The following ZNF737 variants were observed in gnomAD, a reference collection of about 807,000 sequenced individuals.
The protein encoded by ZNF737 is zinc finger protein 102 (Y3).
ZNF737 carries 13 observed loss-of-function variants against 11.7 expected under a neutral mutation model. The ratio of observed to expected loss-of-function variants is 1.11; its 90% confidence interval spans 0.73 to 1.77. The LOEUF is 1.77. ZNF737 is among the 40% of genes most tolerant of loss of function. The pLI is 0.00. For missense variants in ZNF737, 636 were observed against 638.0 expected, an observed-to-expected ratio of 1.00 and a Z score of 0.03; for synonymous variants, 217 against 216.2, an observed-to-expected ratio of 1.00 and a Z score of -0.03.
downstream of ZNF737, among the ~76,000 whole-genome samples, chr19:20,533,061 C>T (rs556509316): frequency 2.7e-5 from 4 of 150,052 alleles, no homozygotes; most frequent in Admixed American, 2.6e-4. Context: ...AGGTTAGGAC[C>T]TTTGGACTGG....
rs782358835 is a variant in ZNF737, at chr19:20,544,895, G to A, written c.1308C>T (p.Cys436=). 6.2e-7 allele frequency: 1 copy of A among 1,604,440 alleles called. No homozygotes were observed. The highest frequency in any genetic ancestry group is 1.1e-5 in the South Asian group (1 of 90,536). ...TCTTATGTGTAGTAAGGATAGAGAA[G>A]CACTTAAAGGCCTTGCCACATTCTT... ...KCEECGKAFK[C]FSILTTHKRI... Residue 436 remains cysteine, a synonymous_variant, in exon 4 of 4, where the codon TGC becomes TGT. Coordinates refer to ENST00000427401, the MANE Select transcript of ZNF737 (RefSeq NM_001159293.2).
At chr19:20,548,739 G>A (rs10413625) in intron 3 of ZNF737, among the ~76,000 whole-genome samples, 60,843 of 149,848 alleles carry the variant, frequency 0.41, 12,422 homozygotes, top group Admixed American at 0.48. Flanking sequence ...ACTATGGCTG[G>A]CTATTATTAT....
chr19:20,550,212 AAT>A (rs1237870654), intron 3 of ZNF737, among the ~76,000 whole-genome samples: 1 of 152,200 alleles, frequency 6.6e-6, no homozygotes, highest in Non-Finnish European at 1.5e-5. Context: ...TTAAATAAGA[AAT>A]ATATATTTTG....
At position 20,542,654 on chromosome 19, in the gene ZNF737, G is replaced by GA; in HGVS notation, c.*1937dup. 1.0e-6 allele frequency: 1 copy of GA among 981,222 alleles called. No individual in the cohort carries two copies. Among genetic ancestry groups the GA allele is most frequent in the Non-Finnish European group, 1.2e-6 (1 of 826,320 alleles). The allele number at this position is 981,222 out of a possible 1,614,324, so 60.8% of individuals were successfully genotyped here. A position where few individuals can be genotyped will look rare whatever the true frequency, so the allele number is the denominator to read the frequency against. On this transcript the variant is annotated 3_prime_UTR_variant, in exon 4 of 4. Coordinates refer to ENST00000427401, the MANE Select transcript of ZNF737 (RefSeq NM_001159293.2). ...TGTCACTATAATAAAGTATTGCTCT[G>GA]AACATTTACGTTATACATTACTTAA... is the stretch of plus-strand genomic sequence containing the variant.
chr19:20,534,430 ACT>A (rs1290250099), downstream of ZNF737, among the ~76,000 whole-genome samples: 7 of 143,000 alleles, frequency 4.9e-5, 1 homozygote, highest in African/African-American at 1.8e-4. Flanking sequence ...CAAGAGTGAA[ACT>A]CTGTCTCAAA....
chr19:20,563,286 G>A (rs556352886), intron 1 of ZNF737, among the ~76,000 whole-genome samples: 22 of 148,980 alleles, frequency 1.5e-4, no homozygotes. Context: ...GCTGGGACAT[G>A]TGCAGGGGAG....
intron 1 of ZNF737, among the ~76,000 whole-genome samples, chr19:20,563,149 C>T (rs1969162793): frequency 1.1e-5 from 1 of 90,606 alleles, no homozygotes; most frequent in South Asian, 3.2e-4. Flanking sequence ...ACAACTTCAT[C>T]ATCAATAAGA....
chr19:20,530,652 C>G, the ZNF737 span, among the ~76,000 whole-genome samples: 1 of 147,352 alleles, frequency 6.8e-6, no homozygotes, highest in Admixed American at 6.7e-5. Context: ...AGAGGCGCTC[C>G]CCACATCTCA....
intron 3 of ZNF737, among the ~76,000 whole-genome samples, chr19:20,548,374 T>C (rs189605746): frequency 6.6e-6 from 1 of 152,326 alleles, no homozygotes; most frequent in African/African-American, 2.4e-5. Flanking sequence ...TTTGAGAATA[T>C]TATGTCACCT....
rs1048881028 is a variant in ZNF737, at chr19:20,542,793, C to A, written c.*1799G>T. The A allele has an allele frequency of 1.3e-4, 132 of 985,044 alleles. No individual in the cohort carries two copies. The highest frequency in any genetic ancestry group is 1.6e-4 in the Non-Finnish European group (132 of 829,862). 61.0% of individuals were successfully genotyped at this position (985,044 alleles called of 1,614,324 possible). Reference sequence around the variant, plus strand: ...TAATGTCCAAATAATGTAAAAAAATCGAATATCTCTGATGCAGAAGCCACT... The same window carrying A: ...TAATGTCCAAATAATGTAAAAAAATAGAATATCTCTGATGCAGAAGCCACT... On this transcript the variant is annotated 3_prime_UTR_variant, in exon 4 of 4. Coordinates refer to ENST00000427401, the MANE Select transcript of ZNF737 (RefSeq NM_001159293.2).
intron 1 of ZNF737, among the ~76,000 whole-genome samples, chr19:20,556,050 T>A (rs1416300364): frequency 1.1e-4 from 17 of 152,062 alleles, no homozygotes; most frequent in Admixed American, 1.1e-3. Context: ...TCCATAAAGA[T>A]GAAAATATAA....
rs1385558594 is a variant in ZNF737, at chr19:20,546,027, T to C, written c.227-51A>G. 3.3e-6 allele frequency: 5 copies of C among 1,513,072 alleles called. No individual in the cohort carries two copies. In the East Asian group the frequency reaches 9.1e-5, roughly 27 times the overall value. The allele number at this position is 1,513,072 out of a possible 1,614,324, so 93.7% of individuals were successfully genotyped here. ...ACTTCAATTGGTAGACTCAGATAAATATACTTTACAGATCTAACCTATATA... is the reference window on the plus strand; with the variant it reads ...ACTTCAATTGGTAGACTCAGATAAACATACTTTACAGATCTAACCTATATA... On this transcript the variant is annotated intron_variant, in intron 3 of 3. Coordinates refer to ENST00000427401, the MANE Select transcript of ZNF737 (RefSeq NM_001159293.2).
chr19:20,565,718 G>A lies in ZNF737; in HGVS notation c.-78C>T. The A allele has an allele frequency of 6.3e-7, 1 of 1,599,162 alleles. No individual in the cohort carries two copies. Among genetic ancestry groups the A allele is most frequent in the Non-Finnish European group, 8.6e-7 (1 of 1,166,298 alleles). ...TGCAGGACACAGGGCCACAGAGGCT[G>A]GGCCTCTAGGAGCAGAGGACACACA... On this transcript the variant is annotated 5_prime_UTR_variant, in exon 1 of 4. Transcript: ENST00000427401.
Position 20,540,151 on chromosome 19 carries a change from C to A in ZNF737, c.*4441G>T. On this transcript the variant is annotated 3_prime_UTR_variant, in exon 4 of 4. Coordinates refer to ENST00000427401, the MANE Select transcript of ZNF737 (RefSeq NM_001159293.2). ...TGGCAAGATACAAACATTTTTCCCG[C>A]CATGTGGCCACCATAAGCAGCTTAC... The A allele has an allele frequency of 1.0e-6, 1 of 985,380 alleles. No homozygotes were observed. Among genetic ancestry groups the A allele is most frequent in the South Asian group, 4.7e-5 (1 of 21,276 alleles). 61.0% of individuals were successfully genotyped at this position (985,380 alleles called of 1,614,324 possible). A position where few individuals can be genotyped will look rare whatever the true frequency, so the allele number is the denominator to read the frequency against.
Position 20,538,997 on chromosome 19 carries a change from C to A in ZNF737, c.*5595G>T. The stretch of plus-strand genomic sequence containing the variant: ...TGTGTACATAATGTGCATTTTCCTG[C>A]CTACCAAAATTATTCTGGCTGGGAA... On this transcript the variant is annotated 3_prime_UTR_variant, in exon 4 of 4. Coordinates refer to ENST00000427401, the MANE Select transcript of ZNF737 (RefSeq NM_001159293.2). 4 of 985,304 alleles carry A rather than the reference C, an allele frequency of 4.1e-6. No homozygotes were observed. Among genetic ancestry groups the A allele is most frequent in the Non-Finnish European group, 4.8e-6 (4 of 829,910 alleles). 61.0% of individuals were successfully genotyped at this position (985,304 alleles called of 1,614,324 possible).
intron 1 of ZNF737, among the ~76,000 whole-genome samples, chr19:20,558,963 G>T (rs1968986405): frequency 6.6e-6 from 1 of 152,134 alleles, no homozygotes; most frequent in Non-Finnish European, 1.5e-5. Flanking sequence ...AAATGGTGCT[G>T]GAATAACTAC....
downstream of ZNF737, among the ~76,000 whole-genome samples, chr19:20,535,529 T>G (rs1211274426): frequency 6.5e-5 from 2 of 30,604 alleles, no homozygotes; most frequent in Non-Finnish European, 1.3e-4. Context: ...AAAATCCTCG[T>G]TTTTTTTTTT....
intron 3 of ZNF737, among the ~76,000 whole-genome samples, chr19:20,548,978 A>AAAG (rs1968563677): frequency 1.6e-5 from 2 of 125,858 alleles, no homozygotes; most frequent in African/African-American, 6.0e-5. Flanking sequence ...AAAAAAAAAA[A>AAAG]AACAATTATG....
chr19:20,532,679 A>C (rs1967859365), downstream of ZNF737, among the ~76,000 whole-genome samples: 1 of 149,818 alleles, frequency 6.7e-6, no homozygotes, highest in Non-Finnish European at 1.5e-5. Flanking sequence ...CATCCCATTA[A>C]ACCAGCCCCA....
Sources: allele counts gnomAD v4.1 joint callset (sites outside exome capture counted in the v4.1 genomes callset), GRCh38; gene constraint gnomAD v4.1.1; transcripts MANE v1.5; gene names NCBI Gene and HGNC (gene_info 2026-07-23, HGNC 2026-07-21).